IMMP2L: variants seen among roughly 807,000 people sequenced by gnomAD.
The protein encoded by IMMP2L is inner mitochondrial membrane peptidase subunit 2.
A neutral mutation model predicts 19.3 loss-of-function variants in IMMP2L; 18 were observed. That is an observed-to-expected ratio of 0.93 (90% confidence interval 0.64 to 1.38). IMMP2L has a LOEUF of 1.38. IMMP2L is among the 40% of genes most tolerant of loss of function. IMMP2L has a pLI of 0.00. For synonymous variants in IMMP2L, 76 were observed against 73.0 expected (o/e 1.04, Z -0.21); for missense variants, 233 against 218.2 (o/e 1.07, Z -0.43).
chr7:111,502,365 A>C (rs1364637022), intron 2 of IMMP2L, among the ~76,000 whole-genome samples: 2 of 152,134 alleles, frequency 1.3e-5, no homozygotes, highest in Admixed American at 6.5e-5. Context: ...CCACACAATA[A>C]TAATGGGAGA....
At chr7:111,129,784 A>G (rs546929449) in intron 3 of IMMP2L, among the ~76,000 whole-genome samples, 23 of 152,322 alleles carry the variant, frequency 1.5e-4, no homozygotes, top group African/African-American at 5.3e-4. Context: ...GATTTACGTT[A>G]TTCTTCTAAA....
chr7:111,396,901 G>A (rs1200441652), intron 3 of IMMP2L, among the ~76,000 whole-genome samples: 4 of 151,864 alleles, frequency 2.6e-5, no homozygotes, highest in Non-Finnish European at 5.9e-5. Context: ...TGGCTAACAC[G>A]GTGAAACCCC....
chr7:111,494,882 TCATTTTACATAGTAAA>T (rs552649987), intron 2 of IMMP2L, among the ~76,000 whole-genome samples: 181 of 152,296 alleles, frequency 1.2e-3, no homozygotes, highest in Non-Finnish European at 2.1e-3. Context: ...TGCACATTTC[TCATTTTACATAGTAAA>T]CTGAAAGTAT....
chr7:110,953,717 G>A (rs1818071481), intron 4 of IMMP2L, among the ~76,000 whole-genome samples: 2 of 152,058 alleles, frequency 1.3e-5, no homozygotes, highest in Admixed American at 6.6e-5. Flanking sequence ...AGTATTTCTG[G>A]TTCTAGATCC....
chr7:111,191,732 A>C (rs1382956389), intron 3 of IMMP2L, among the ~76,000 whole-genome samples: 3 of 152,016 alleles, frequency 2.0e-5, no homozygotes, highest in African/African-American at 7.3e-5. Context: ...AAGTTGATCT[A>C]CTCTGAGCTG....
At position 110,870,334 on chromosome 7, in the gene IMMP2L, C is replaced by T. The variant is rs1033940709; in HGVS notation, c.408+16259G>A. Among the ~76,000 whole-genome samples the T allele has an allele frequency of 2.0e-5, 3 of 152,048 alleles. No homozygotes were observed. The highest frequency in any genetic ancestry group is 4.1e-4 in the South Asian group (2 of 4,826). On this transcript the variant is annotated intron_variant, in intron 5 of 5. Transcript: ENST00000405709. This position sits in a 1 kb window ranked among gnomAD's most constrained non-coding sequence, Gnocchi z 4.2. The stretch of plus-strand genomic sequence containing the variant: ...TCTGAACCAGAAGGCATCGCGAGTG[C>T]TAAACTCACTCACAGAACAGAAATT...
chr7:111,136,682 C>G (rs1297423724), intron 3 of IMMP2L, among the ~76,000 whole-genome samples: 1 of 152,272 alleles, frequency 6.6e-6, no homozygotes, highest in Admixed American at 6.5e-5. Context: ...AATTCCTGCA[C>G]TATTTTCAAA....
chr7:111,137,200 A>G (rs1409850066), intron 3 of IMMP2L, among the ~76,000 whole-genome samples: 1 of 152,134 alleles, frequency 6.6e-6, no homozygotes, highest in Non-Finnish European at 1.5e-5. Context: ...CACCTCAGCT[A>G]TTTGATAGCA....
At chr7:111,444,071 G>C (rs1045559941) in intron 3 of IMMP2L, among the ~76,000 whole-genome samples, 1 of 152,032 alleles carries the variant, frequency 6.6e-6, no homozygotes, top group Admixed American at 6.5e-5. Context: ...TAAATGTTGT[G>C]TTTCTATTTT....
chr7:111,215,422 T>C (rs1811829776), intron 3 of IMMP2L, among the ~76,000 whole-genome samples: 2 of 152,174 alleles, frequency 1.3e-5, no homozygotes, highest in Admixed American at 1.3e-4. Flanking sequence ...AAGTAACAAT[T>C]ATTTTTCCCA....
At chr7:110,936,743 A>G (rs527842182) in intron 4 of IMMP2L, among the ~76,000 whole-genome samples, 2 of 152,026 alleles carry the variant, frequency 1.3e-5, no homozygotes, top group African/African-American at 4.8e-5. Context: ...ATAAAGACAC[A>G]TGCACACACA....
At chr7:111,190,531 A>C (rs1018041435) in intron 3 of IMMP2L, among the ~76,000 whole-genome samples, 7 of 152,164 alleles carry the variant, frequency 4.6e-5, no homozygotes, top group Admixed American at 6.5e-5. Context: ...CCAATAGAAC[A>C]ATAGGAACGT....
At chr7:110,678,736 A>T (rs1792496599) in intron 5 of IMMP2L, among the ~76,000 whole-genome samples, 2 of 152,132 alleles carry the variant, frequency 1.3e-5, no homozygotes, top group Admixed American at 1.3e-4. Context: ...GCTCTAAAGG[A>T]TGCTGCTGAC....
rs1378064564 is a variant in IMMP2L at position 110,728,239 on chromosome 7, C to T, written c.409-64518G>A. On this transcript the variant is annotated intron_variant, in intron 5 of 5. Transcript: ENST00000405709. This position sits in a 1 kb window ranked among gnomAD's most constrained non-coding sequence, Gnocchi z 4.6. The stretch of plus-strand genomic sequence containing the variant: ...GGCGACTGGGAGTGGTGGTTCACGC[C>T]TGTAATCCCAGCAGGTTGGGAAGCC... Among the ~76,000 whole-genome samples, 2 of 152,102 alleles carry T rather than the reference C, an allele frequency of 1.3e-5. No individual in the cohort carries two copies. Among genetic ancestry groups the T allele is most frequent in the South Asian group, 4.1e-4 (2 of 4,822 alleles).
At chr7:110,896,314 A>C (rs958935079) in intron 4 of IMMP2L, among the ~76,000 whole-genome samples, 10 of 152,202 alleles carry the variant, frequency 6.6e-5, no homozygotes, top group African/African-American at 2.4e-4. Flanking sequence ...AGATTGCATA[A>C]AATGTTAAAG....
intron 3 of IMMP2L, among the ~76,000 whole-genome samples, chr7:111,241,112 C>T (rs1438182696): frequency 6.6e-6 from 1 of 151,810 alleles, no homozygotes; most frequent in Non-Finnish European, 1.5e-5. Context: ...TATTATGTTT[C>T]AATTGTGCTT....
intron 3 of IMMP2L, among the ~76,000 whole-genome samples, chr7:111,211,320 A>G (rs1001171479): frequency 5.3e-5 from 8 of 152,294 alleles, no homozygotes; most frequent in African/African-American, 1.4e-4. Context: ...CTACAAAAGC[A>G]AAGTGTGGAA....
intron 5 of IMMP2L, among the ~76,000 whole-genome samples, chr7:110,675,047 A>C (rs1424939528): frequency 6.6e-6 from 1 of 152,182 alleles, no homozygotes; most frequent in Non-Finnish European, 1.5e-5. Context: ...AGTTCTACCC[A>C]ATATAAAGAT....
chr7:111,215,029 C>T lies in IMMP2L; in HGVS notation c.240-251464G>A, dbSNP rs561166596. Among the ~76,000 whole-genome samples, 13 of 152,148 alleles carry T rather than the reference C, an allele frequency of 8.5e-5. 1 individual carries two copies. Among genetic ancestry groups the T allele is most frequent in the Non-Finnish European group, 1.9e-4 (13 of 68,016 alleles). The stretch of plus-strand genomic sequence containing the variant: ...TTGCAAAACTATGCCCTCATTCCCA[C>T]ATATCACCGCAATCTACATACTTTA... On this transcript the variant is annotated intron_variant, in intron 3 of 5. Transcript: ENST00000405709.
Sources: gnomAD v4.1 joint callset for allele counts (sites outside exome capture counted in the v4.1 genomes callset) on GRCh38, gnomAD v4.1.1 for gene constraint, Gnocchi (gnomAD v3.1) non-coding constraint, MANE v1.5 for transcripts, NCBI Gene and HGNC (gene_info 2026-07-23, HGNC 2026-07-21) for gene names.